Variants in TRAF5 observed in about 807,000 individuals in gnomAD.
TRAF5 encodes the protein TNF receptor associated factor 5, also known as TNF receptor-associated factor 5.
TRAF5 carries 48 observed loss-of-function variants against 64.5 expected under a neutral mutation model. That is an observed-to-expected ratio of 0.74 (90% CI 0.59 to 0.95). The LOEUF (loss-of-function observed/expected upper bound fraction) is 0.95. Ranked by LOEUF, TRAF5 falls within the 40% of genes least tolerant of loss-of-function variation. The pLI is 0.00. For synonymous variants in TRAF5, 206 were observed against 240.5 expected (o/e 0.86, Z 1.33); for missense variants, 545 against 662.8 (o/e 0.82, Z 1.95).
chr1:211,350,503 T>G (rs1288809356), intron 1 of TRAF5, among the ~76,000 whole-genome samples: 1 of 151,974 alleles, frequency 6.6e-6, no homozygotes, highest in Non-Finnish European at 1.5e-5. Flanking sequence ...GTCTTGAGCC[T>G]GCTTAGCATT....
chr1:211,350,883 C>T (rs972843087), intron 1 of TRAF5, among the ~76,000 whole-genome samples: 2 of 152,116 alleles, frequency 1.3e-5, no homozygotes, highest in African/African-American at 4.8e-5. Context: ...AGGGACCTCT[C>T]TGGCCTCTTT....
At position 211,372,152 on chromosome 1, in the gene TRAF5, A is replaced by AACATGATACCC. The variant is rs766807286; in HGVS notation, c.1129_1139dup (p.Ile380MetfsTer12). ...GCCGTTTTAGAAGAGGAAACTAACA[A>AACATGATACCC]ACATGATACCCACATTAATATTCAT... On this transcript the variant is annotated frameshift_variant, in exon 11 of 11. Transcript: ENST00000261464. LOFTEE classifies it high-confidence loss of function. The AACATGATACCC allele has an allele frequency of 1.3e-5, 21 of 1,593,992 alleles. No homozygotes were observed. Among genetic ancestry groups the AACATGATACCC allele is most frequent in the Non-Finnish European group, 1.8e-5 (21 of 1,170,456 alleles).
At chr1:211,338,507 G>A (rs914111936) in intron 1 of TRAF5, among the ~76,000 whole-genome samples, 2 of 152,228 alleles carry the variant, frequency 1.3e-5, no homozygotes, top group Non-Finnish European at 2.9e-5. Flanking sequence ...CTGGCTAGGA[G>A]GGCAGGGTGG....
At position 211,360,779 on chromosome 1, in the gene TRAF5, G is replaced by C. The variant is rs1703151370; in HGVS notation, c.621G>C (p.Glu207Asp). ...NNCAKIILKT[E>D]VDEHLAVCPE... ...GTGCGAAGATTATTCTAAAAACTGA[G>C]GTAACTGCAAATAATCCTCTCTGTA... is the stretch of plus-strand genomic sequence containing the variant. The change falls in exon 6 of 11, where the codon GAG becomes GAC. Residue 207 changes from glutamate to aspartate, a missense_variant and splice_region_variant. By Grantham distance (45) the Glu-to-Asp change is conservative. Coordinates refer to ENST00000261464, the MANE Select transcript of TRAF5 (RefSeq NM_001033910.3). The C allele has an allele frequency of 6.2e-7, 1 of 1,610,734 alleles. No homozygotes were observed. Among genetic ancestry groups the C allele is most frequent in the African/African-American group, 1.3e-5 (1 of 74,796 alleles).
At chr1:211,349,654 G>A (rs1325430388) in intron 1 of TRAF5, among the ~76,000 whole-genome samples, 1 of 152,200 alleles carries the variant, frequency 6.6e-6, no homozygotes, top group Admixed American at 6.5e-5. Context: ...CGAAAAGTTG[G>A]AGAACTACTG....
At chr1:211,332,963 A>G (rs1325690858) in intron 1 of TRAF5, among the ~76,000 whole-genome samples, 2 of 152,218 alleles carry the variant, frequency 1.3e-5, no homozygotes, top group African/African-American at 2.4e-5. Flanking sequence ...AGCTGTGGAC[A>G]GCCAGAGGCT....
chr1:211,359,640 A>G, intron 4 of TRAF5: 1 of 369,312 alleles, frequency 2.7e-6, no homozygotes. Context: ...AACTTGGTGT[A>G]CTTCCCTCTT....
chr1:211,337,155 G>T (rs1345198864), intron 1 of TRAF5, among the ~76,000 whole-genome samples: 2 of 152,246 alleles, frequency 1.3e-5, no homozygotes, highest in Non-Finnish European at 2.9e-5. Flanking sequence ...TAATATGTTA[G>T]GCAGTAATAA....
At chr1:211,343,696 C>A (rs74341547) in intron 1 of TRAF5, among the ~76,000 whole-genome samples, 5,477 of 152,272 alleles carry the variant, frequency 0.036, 326 homozygotes, top group African/African-American at 0.13. Context: ...GCTCCATTCA[C>A]TTCTTTTAAT....
intron 1 of TRAF5, among the ~76,000 whole-genome samples, chr1:211,345,261 G>T (rs1379606370): frequency 6.6e-6 from 1 of 152,056 alleles, no homozygotes; most frequent in Non-Finnish European, 1.5e-5. Flanking sequence ...TTGCCATGTT[G>T]CCCAGGCTGG....
chr1:211,343,672 G>C (rs1031779975), intron 1 of TRAF5, among the ~76,000 whole-genome samples: 3 of 152,096 alleles, frequency 2.0e-5, no homozygotes, highest in Admixed American at 6.5e-5. Context: ...ACCCATATCT[G>C]ACTCCAGCCT....
In TRAF5 at chr1:211,336,979, G is replaced by A. The variant is rs537420708; in HGVS notation, c.-2+10090G>A. ...TGGCCAGACCTCAACTGATCCGCTC[G>A]CCTCGGCCTTCCAAAGTGCCGGGAT... On this transcript the variant is annotated intron_variant, in intron 1 of 10. Coordinates refer to ENST00000261464, the MANE Select transcript of TRAF5 (RefSeq NM_001033910.3). 8.6e-5 allele frequency among the ~76,000 whole-genome samples: 13 copies of A among 151,142 alleles called. 1 individual carries two copies. The highest frequency in any genetic ancestry group is 2.0e-4 in the Admixed American group (3 of 15,196).
intron 3 of TRAF5, among the ~76,000 whole-genome samples, chr1:211,355,994 A>G (rs180756759): frequency 6.6e-6 from 1 of 152,332 alleles, no homozygotes. Flanking sequence ...GCAAGCCAGC[A>G]CAGCCTCAGT....
rs1366368177 is a variant in TRAF5, at chr1:211,360,710, G to A, written c.552G>A (p.Glu184=). 2 of 1,613,700 alleles carry A rather than the reference G, an allele frequency of 1.2e-6. No individual in the cohort carries two copies. The highest frequency in any genetic ancestry group is 1.7e-5 in the Admixed American group (1 of 60,002). Residue 184 remains glutamate, a synonymous_variant, in exon 6 of 11, where the codon GAG becomes GAA. Coordinates refer to ENST00000261464, the MANE Select transcript of TRAF5 (RefSeq NM_001033910.3). ...DVVVINLQNH[E]ENLCPEYPVF... is the part of the protein sequence containing the mutation. ...CACTTTCTCTATTTCAGAATCATGA[G>A]GAAAACTTGTGTCCTGAATACCCAG...
intron 1 of TRAF5, among the ~76,000 whole-genome samples, chr1:211,327,651 G>A (rs1445969574): frequency 1.3e-5 from 2 of 152,186 alleles, no homozygotes. Flanking sequence ...CTTGCTGCGG[G>A]TCCCACTGGG....
chr1:211,364,266 G>A (rs755933793), intron 7 of TRAF5, among the ~76,000 whole-genome samples: 2 of 152,166 alleles, frequency 1.3e-5, no homozygotes, highest in Non-Finnish European at 2.9e-5. Context: ...TGGTTTTGAG[G>A]GCAACAAATT....
chr1:211,335,278 C>T (rs898905765), intron 1 of TRAF5, among the ~76,000 whole-genome samples: 1 of 152,136 alleles, frequency 6.6e-6, no homozygotes, highest in East Asian at 1.9e-4. Context: ...GGTTCCCGAT[C>T]TGTAAAATAT....
At chr1:211,339,912 A>C (rs1702402356) in intron 1 of TRAF5, among the ~76,000 whole-genome samples, 1 of 152,218 alleles carries the variant, frequency 6.6e-6, no homozygotes, top group Admixed American at 6.5e-5. Context: ...CACACATCTG[A>C]GGTCAGCTTT....
intron 9 of TRAF5, among the ~76,000 whole-genome samples, chr1:211,371,019 G>A (rs1703504492): frequency 6.6e-6 from 1 of 152,038 alleles, no homozygotes; most frequent in African/African-American, 2.4e-5. Flanking sequence ...TATAAAGATA[G>A]GTTGGAGAAC....
Sources: allele counts gnomAD v4.1 joint callset (sites outside exome capture counted in the v4.1 genomes callset), GRCh38; gene constraint gnomAD v4.1.1; transcripts MANE v1.5; gene names NCBI Gene and HGNC (gene_info 2026-07-23, HGNC 2026-07-21).